The following ACACB variants were observed in gnomAD, a reference collection of about 807,000 sequenced individuals.
ACACB encodes the protein acetyl-CoA carboxylase beta.
ACACB carries 209 observed loss-of-function variants against 278.8 expected under a neutral mutation model. That is an observed-to-expected ratio of 0.75 (90% confidence interval 0.67 to 0.84). ACACB has a LOEUF of 0.84. ACACB is among the 40% of genes least tolerant of loss of function. The pLI is 0.00. For synonymous variants in ACACB, 1,174 were observed against 1,285.6 expected (o/e 0.91, Z 1.86); for missense variants, 2,850 against 3,269.0 (o/e 0.87, Z 3.13).
chr12:109,206,894 C>G, intron 20 of ACACB, 38 bp downstream of exon 20: 1 of 1,612,330 alleles, frequency 6.2e-7, no homozygotes, highest in Non-Finnish European at 8.5e-7. Context: ...TAGACCAGTG[C>G]GGAGGGTCAG....
intron 27 of ACACB, among the ~76,000 whole-genome samples, chr12:109,225,724 T>C (rs2046295329): frequency 6.6e-6 from 1 of 152,240 alleles, no homozygotes. Flanking sequence ...TTGTCCACTA[T>C]GGCAGCCACC....
At chr12:109,229,472 G>T (rs1463366895) in intron 28 of ACACB, among the ~76,000 whole-genome samples, 1 of 152,096 alleles carries the variant, frequency 6.6e-6, no homozygotes, top group African/African-American at 2.4e-5. Flanking sequence ...GTCCACTGTA[G>T]TCTGCTGTCC....
intron 4 of ACACB, among the ~76,000 whole-genome samples, chr12:109,171,006 T>C (rs2136181846): frequency 7.1e-6 from 1 of 141,476 alleles, no homozygotes; most frequent in Admixed American, 7.4e-5. Flanking sequence ...CTGGCTACTT[T>C]TTTTGGATTT....
intron 17 of ACACB, among the ~76,000 whole-genome samples, chr12:109,198,539 T>C (rs377748042): frequency 1.3e-5 from 2 of 152,104 alleles, no homozygotes; most frequent in African/African-American, 4.8e-5. Context: ...CTCTATAAAA[T>C]ACAATGATTA....
chr12:109,126,350 A>G (rs1162600585), intron 1 of ACACB, among the ~76,000 whole-genome samples: 1 of 152,194 alleles, frequency 6.6e-6, no homozygotes, highest in African/African-American at 2.4e-5. Context: ...GGAACCATTC[A>G]GGCCAGTTTT....
rs771548693 is a variant in ACACB, at chr12:109,256,256, C to T, written c.6263+20C>T. 2 of 1,606,608 alleles carry T rather than the reference C, an allele frequency of 1.2e-6. No homozygotes were observed. Among genetic ancestry groups the T allele is most frequent in the South Asian group, 1.1e-5 (1 of 90,896 alleles). On this transcript the variant is annotated intron_variant, in intron 45 of 52. Transcript: ENST00000338432. ...AGCAAGGTAATCATGAAGACGGGAG[C>T]AGGCTGCCCATGTCTGACTCACCAG...
At chr12:109,181,473 C>G (rs1331498195) in intron 11 of ACACB, among the ~76,000 whole-genome samples, 3 of 152,044 alleles carry the variant, frequency 2.0e-5, no homozygotes, top group African/African-American at 7.2e-5. Flanking sequence ...GATGATCTGC[C>G]CACCTCAACT....
Position 109,139,918 on chromosome 12 carries a change from T to G in ACACB, c.513T>G (p.Asp171Glu), listed in dbSNP as rs1186389914. ...LMTNFILGSF[D>E]DYSSDEDSVA... Reference sequence around the variant, plus strand: ...CCAACTTCATCCTGGGCTCTTTTGATGACTACTCCTCCGACGAGGACTCTG... The same window carrying G: ...CCAACTTCATCCTGGGCTCTTTTGAGGACTACTCCTCCGACGAGGACTCTG... Residue 171 changes from aspartate to glutamate, a missense_variant, in exon 2 of 53, where the codon GAT (aspartate) becomes GAG (glutamate). Physicochemically the swap from Asp to Glu is conservative, Grantham distance 45. Transcript: ENST00000338432. The G allele has an allele frequency of 6.2e-7, 1 of 1,614,156 alleles. No homozygotes were observed. Among genetic ancestry groups the G allele is most frequent in the South Asian group, 1.1e-5 (1 of 91,088 alleles).
intron 47 of ACACB, chr12:109,260,154 G>A (rs557658300): frequency 7.1e-7 from 1 of 1,407,794 alleles, no homozygotes; most frequent in African/African-American, 1.4e-5. Context: ...GTGACTGTTA[G>A]TGAGGGTTTT....
chr12:109,194,300 ATTC>A (rs1185511698), intron 16 of ACACB, among the ~76,000 whole-genome samples: 1 of 152,012 alleles, frequency 6.6e-6, no homozygotes, highest in Non-Finnish European at 1.5e-5. Flanking sequence ...GGTTCAAGCA[ATTC>A]TTCTGTCTCA....
At chr12:109,218,600 C>G (rs1447188673) in intron 24 of ACACB, among the ~76,000 whole-genome samples, 1 of 151,410 alleles carries the variant, frequency 6.6e-6, no homozygotes, top group Non-Finnish European at 1.5e-5. Context: ...AATGTAGGAT[C>G]AGCAGAGTAA....
intron 21 of ACACB, among the ~76,000 whole-genome samples, chr12:109,209,966 T>C (rs2045659500): frequency 1.1e-5 from 1 of 94,332 alleles, no homozygotes; most frequent in Non-Finnish European, 2.2e-5. Flanking sequence ...TATATGTGTA[T>C]ACACACATAC....
At chr12:109,260,159 G>C in intron 47 of ACACB, 1 of 1,412,806 alleles carries the variant, frequency 7.1e-7, no homozygotes, top group Non-Finnish European at 9.4e-7. Flanking sequence ...TGTTAGTGAG[G>C]GTTTTCTTTG....
chr12:109,142,709 G>A (rs2136039227), intron 2 of ACACB, among the ~76,000 whole-genome samples: 1 of 152,198 alleles, frequency 6.6e-6, no homozygotes, highest in Middle Eastern at 3.4e-3. Flanking sequence ...TGGAATTATG[G>A]GCGTGTGCCA....
chr12:109,134,402 G>A (rs1428837031), intron 1 of ACACB, among the ~76,000 whole-genome samples: 4 of 152,302 alleles, frequency 2.6e-5, no homozygotes, highest in South Asian at 2.1e-4. Flanking sequence ...AGAGGGCCCC[G>A]TATGCCCTCC....
intron 33 of ACACB, chr12:109,236,438 G>T (rs985626707): frequency 6.6e-6 from 1 of 152,326 alleles, no homozygotes; most frequent in African/African-American, 2.4e-5. Context: ...TTGCAGACCA[G>T]CTGCCTGTTT....
intron 13 of ACACB, among the ~76,000 whole-genome samples, chr12:109,189,071 G>T (rs968882936): frequency 6.6e-6 from 1 of 152,152 alleles, no homozygotes. Flanking sequence ...TTGACAGAGG[G>T]ACCCCCAAAT....
Position 109,234,043 on chromosome 12 carries a change from A to T in ACACB, c.4345A>T (p.Lys1449Ter), listed in dbSNP as rs1415839369. ...VPILRTFVQS[K>*]KNILVDYGLR... The stretch of plus-strand genomic sequence containing the variant: ...GATTTTACGGACATTCGTACAGTCC[A>T]AGGTACTCTGGGCGTGCCTCTGGTT... Residue 1449 changes from lysine to a stop codon, truncating the protein, a stop_gained and splice_region_variant, in exon 31 of 53, where the codon AAG becomes TAG. Coordinates refer to ENST00000338432, the MANE Select transcript of ACACB (RefSeq NM_001093.4). LOFTEE classifies it high-confidence loss of function. 1 of 1,607,654 alleles carries T rather than the reference A, an allele frequency of 6.2e-7. No individual in the cohort carries two copies. The highest frequency in any genetic ancestry group is 8.5e-7 in the Non-Finnish European group (1 of 1,175,946).
At chr12:109,239,687 C>T (rs965825228) in intron 34 of ACACB, 143 bp from the exon 35 acceptor site, 2 of 922,512 alleles carry the variant, frequency 2.2e-6, no homozygotes, top group Non-Finnish European at 3.2e-6. Flanking sequence ...AGAGGCAGGG[C>T]TCTGCTGTTC....
Sources: allele counts gnomAD v4.1 joint callset (sites outside exome capture counted in the v4.1 genomes callset), GRCh38; gene constraint gnomAD v4.1.1; transcripts MANE v1.5; gene names NCBI Gene and HGNC (gene_info 2026-07-23, HGNC 2026-07-21).